TMEM209: variants seen among roughly 807,000 people sequenced by gnomAD.
TMEM209 encodes testicular tissue protein Li 202.
A neutral mutation model predicts 76.2 loss-of-function variants in TMEM209; 65 were observed. The ratio of observed to expected loss-of-function variants is 0.85; its 90% CI spans 0.70 to 1.05. The LOEUF (loss-of-function observed/expected upper bound fraction) is 1.05, where lower values mean the gene tolerates loss of function less well. Ranked by LOEUF, TMEM209 falls within the 50% of genes least tolerant of loss-of-function variation. The pLI, the probability that TMEM209 is intolerant of heterozygous loss-of-function variation, is 0.00. For synonymous variants in TMEM209, 239 were observed against 237.6 expected (o/e 1.01, Z -0.06); for missense variants, 623 against 685.5 (o/e 0.91, Z 1.02).
intron 6 of TMEM209, among the ~76,000 whole-genome samples, chr7:130,187,040 C>T (rs555497299): frequency 2.0e-5 from 3 of 152,216 alleles, no homozygotes; most frequent in Non-Finnish European, 4.4e-5. Context: ...GTCAGGAGCT[C>T]GAGACAAGCC....
chr7:130,197,385 T>C (rs1023703153), intron 5 of TMEM209, among the ~76,000 whole-genome samples: 6 of 152,198 alleles, frequency 3.9e-5, no homozygotes, highest in African/African-American at 1.2e-4. Flanking sequence ...GGACAAATAC[T>C]GTATGATTCC....
At chr7:130,189,395 G>T (rs1271293346) in intron 6 of TMEM209, among the ~76,000 whole-genome samples, 1 of 152,052 alleles carries the variant, frequency 6.6e-6, no homozygotes, top group Non-Finnish European at 1.5e-5. Context: ...CACCATGTTG[G>T]TCAGAAAATC....
chr7:130,192,758 A>G lies in TMEM209; in HGVS notation c.639T>C (p.Ser213=). The G allele has an allele frequency of 6.2e-7, 1 of 1,613,954 alleles. No individual in the cohort carries two copies. The highest frequency in any genetic ancestry group is 2.2e-5 in the East Asian group (1 of 44,878). ...YPTTVGPVES[S]GLRSRYRSSP... ...AAGAACGGTAGCGAGATCTCAATCC[A>G]CTGCTCTCCACTGGTCCAACAGTGG... Residue 213 remains serine (S), a synonymous_variant, in exon 6 of 15, where the codon AGT becomes AGC. Coordinates refer to ENST00000397622, the MANE Select transcript of TMEM209 (RefSeq NM_032842.4).
In TMEM209 at chr7:130,178,415, A is replaced by C. The variant is rs375222588; in HGVS notation, c.1233T>G (p.Phe411Leu). The C allele has an allele frequency of 6.2e-7, 1 of 1,611,456 alleles. No homozygotes were observed. Among genetic ancestry groups the C allele is most frequent in the Admixed American group, 1.7e-5 (1 of 59,676 alleles). The change falls in exon 10 of 15, where the codon TTT becomes TTG. Residue 411 changes from phenylalanine (F) to leucine (L), a missense_variant. Transcript: ENST00000397622. ...LDLTPNQEYLFERIKELSQGG... is the reference protein window; with the variant it reads ...LDLTPNQEYLLERIKELSQGG... ...ATCAATAATTACCTTTGATCCTTTC[A>C]AACAAGTATTCCTGATTTGGAGTAA...
intron 1 of TMEM209, among the ~76,000 whole-genome samples, chr7:130,204,653 T>C (rs917778132): frequency 6.6e-6 from 1 of 152,218 alleles, no homozygotes; most frequent in Non-Finnish European, 1.5e-5. Context: ...GCTGGTTATT[T>C]AAGAACAATT....
At chr7:130,204,244 A>G (rs953346036) in intron 1 of TMEM209, 134 bp from the exon 2 acceptor site, 20 of 1,056,142 alleles carry the variant, frequency 1.9e-5, no homozygotes, top group Non-Finnish European at 2.5e-5. Context: ...TTTTATCAAA[A>G]CTTCTTCCAT....
intron 3 of TMEM209, 129 bp from the exon 4 acceptor site, chr7:130,202,792 T>A (rs1035281481): frequency 1.8e-6 from 2 of 1,123,780 alleles, no homozygotes; most frequent in Non-Finnish European, 2.4e-6. Flanking sequence ...ATTTAATGAA[T>A]GTTATGTGTA....
At chr7:130,189,735 A>G (rs1797729358) in intron 6 of TMEM209, among the ~76,000 whole-genome samples, 1 of 152,238 alleles carries the variant, frequency 6.6e-6, no homozygotes, top group Non-Finnish European at 1.5e-5. Context: ...TTATAAACTC[A>G]TGGTTTTTTA....
chr7:130,188,322 C>G (rs568784227), intron 6 of TMEM209, among the ~76,000 whole-genome samples: 1 of 152,070 alleles, frequency 6.6e-6, no homozygotes, highest in South Asian at 2.1e-4. Context: ...TTTGGCCAGG[C>G]GCAGTGACTC....
chr7:130,184,472 T>C (rs570129439), intron 7 of TMEM209, among the ~76,000 whole-genome samples: 10 of 150,162 alleles, frequency 6.7e-5, no homozygotes, highest in African/African-American at 2.2e-4. Flanking sequence ...TACATTGGTA[T>C]GTGTAAAGAA....
chr7:130,192,302 C>A, intron 6 of TMEM209: 1 of 254,436 alleles, frequency 3.9e-6, no homozygotes, highest in Non-Finnish European at 7.7e-6. Context: ...AAAGAGACAG[C>A]TATAATTTGA....
At chr7:130,204,230 A>G (rs1434050429) in intron 1 of TMEM209, 120 bp from the exon 2 acceptor site, 20 of 1,151,716 alleles carry the variant, frequency 1.7e-5, no homozygotes, top group African/African-American at 6.2e-5. Flanking sequence ...TCATCTTTAA[A>G]ATGTTTTATC....
intron 13 of TMEM209, among the ~76,000 whole-genome samples, chr7:130,173,217 T>C (rs1414212124): frequency 6.6e-6 from 1 of 151,952 alleles, no homozygotes; most frequent in South Asian, 2.1e-4. Context: ...TAGTACGTGC[T>C]TGTAGTCCTA....
chr7:130,197,635 G>A (rs1798035670), intron 5 of TMEM209, among the ~76,000 whole-genome samples: 1 of 152,146 alleles, frequency 6.6e-6, no homozygotes, highest in Non-Finnish European at 1.5e-5. Context: ...TATTAAGAGT[G>A]TTTTCAGCAG....
At position 130,202,003 on chromosome 7, in the gene TMEM209, CA is replaced by C; in HGVS notation, c.419del (p.Leu140Ter). 6.2e-7 allele frequency: 1 copy of C among 1,613,786 alleles called. No homozygotes were observed. The highest frequency in any genetic ancestry group is 8.5e-7 in the Non-Finnish European group (1 of 1,179,862). ...TGGGCGAACGAGAAGGGCTATAACT[CA>C]ACACACTCTGACCCTGAATTGAAGG... ...PSPSIQGQSV[L>X]SYSPSRSPST... On this transcript the variant is annotated frameshift_variant, in exon 5 of 15. Coordinates refer to ENST00000397622, the MANE Select transcript of TMEM209 (RefSeq NM_032842.4). LOFTEE classifies it high-confidence loss of function.
chr7:130,170,595 C>T (rs907571327), intron 13 of TMEM209, 122 bp from the exon 14 acceptor site: 4 of 768,690 alleles, frequency 5.2e-6, no homozygotes, highest in Middle Eastern at 3.7e-4. Flanking sequence ...TTCAGACTTT[C>T]ATTTATTTAT....
Position 130,205,297 on chromosome 7 carries a change from G to A in TMEM209, c.3+76C>T, listed in dbSNP as rs888527032. 4 of 1,613,196 alleles carry A rather than the reference G, an allele frequency of 2.5e-6. No homozygotes were observed. In the African/African-American group the frequency reaches 4.0e-5, roughly 16 times the overall value. On this transcript the variant is annotated intron_variant, in intron 1 of 14. Coordinates refer to ENST00000397622, the MANE Select transcript of TMEM209 (RefSeq NM_032842.4). ...ATCCCCCTTGGCTGAACCCAGGACA[G>A]ATCAGCAGGCGCGGAACTCCCACAA...
chr7:130,199,294 T>C (rs1468637113), intron 5 of TMEM209, among the ~76,000 whole-genome samples: 1 of 152,128 alleles, frequency 6.6e-6, no homozygotes, highest in Admixed American at 6.6e-5. Flanking sequence ...CTCGGCTCAC[T>C]GAAAGCTCCG....
Position 130,192,390 on chromosome 7 carries a change from G to A in TMEM209, c.775+232C>T, listed in dbSNP as rs970094132. ...ATAGAAATTGTAACTTACATTATAC[G>A]AAAAAGCTTTCAATCTTATTGTAGG... On this transcript the variant is annotated intron_variant, in intron 6 of 14. Transcript: ENST00000397622. 13 of 480,874 alleles carry A rather than the reference G, an allele frequency of 2.7e-5. No homozygotes were observed. In the East Asian group the frequency reaches 3.7e-4, roughly 14 times the overall value. 29.8% of individuals were successfully genotyped at this position (480,874 alleles called of 1,614,324 possible). A position where few individuals can be genotyped will look rare whatever the true frequency, so the allele number is the denominator to read the frequency against.
Sources: allele counts gnomAD v4.1 joint callset (sites outside exome capture counted in the v4.1 genomes callset), GRCh38; gene constraint gnomAD v4.1.1; transcripts MANE v1.5; gene names NCBI Gene and HGNC (gene_info 2026-07-23, HGNC 2026-07-21).